The following SOCS6 variants were observed in gnomAD, a reference collection of about 807,000 sequenced individuals.
The protein encoded by SOCS6 is STAT induced STAT inhibitor-4.
A neutral mutation model predicts 27.7 loss-of-function variants in SOCS6; 5 were observed. That is an observed-to-expected ratio of 0.18 (90% CI 0.09 to 0.38). SOCS6 has a LOEUF of 0.38. Among genes scored for constraint, SOCS6 ranks in the 10% least tolerant of loss-of-function variants. The pLI is 1.00. For missense variants in SOCS6, 595 were observed against 688.1 expected (o/e 0.86, Z 1.51); for synonymous variants, 271 against 260.0 (o/e 1.04, Z -0.41).
chr18:70,304,979 G>A (rs2062363156), intron 1 of SOCS6, among the ~76,000 whole-genome samples: 1 of 152,132 alleles, frequency 6.6e-6, no homozygotes. Context: ...TGCCGAGGTG[G>A]GCGGATCTGA....
rs1911288005 is a variant in SOCS6, at chr18:70,328,354, A to G, written c.*2078A>G. ...CTTCTCCGTGTCTCCAGAAGCATTT[A>G]CATGTCCTCCTTGTGAGATCATGGT... On this transcript the variant is annotated 3_prime_UTR_variant, in exon 2 of 2. Transcript: ENST00000397942. 6.0e-6 allele frequency: 1 copy of G among 166,822 alleles called. No homozygotes were observed. The highest frequency in any genetic ancestry group is 2.4e-5 in the African/African-American group (1 of 41,444). The allele number at this position is 166,822 out of a possible 1,614,324, so 10.3% of individuals were successfully genotyped here.
At chr18:70,293,434 G>C (rs2062309043) in intron 1 of SOCS6, among the ~76,000 whole-genome samples, 1 of 152,132 alleles carries the variant, frequency 6.6e-6, no homozygotes, top group African/African-American at 2.4e-5. Flanking sequence ...TAGACGCCCA[G>C]ATCTCTTTCA....
rs138555425 is a variant in SOCS6 at position 70,329,307 on chromosome 18, A to G, written c.*3031A>G. Reference sequence around the variant, plus strand: ...AACCAGCTACACGGGGCAACCAACCATCTTGCTGTTGAAGAAAACAGTTCC... The same window carrying G: ...AACCAGCTACACGGGGCAACCAACCGTCTTGCTGTTGAAGAAAACAGTTCC... On this transcript the variant is annotated 3_prime_UTR_variant, in exon 2 of 2. Coordinates refer to ENST00000397942, the MANE Select transcript of SOCS6 (RefSeq NM_004232.4). The G allele has an allele frequency of 5.6e-3, 933 of 167,236 alleles. 5 individuals carry two copies. Among genetic ancestry groups the G allele is most frequent in the South Asian group, 0.011 (52 of 4,832 alleles). The allele number at this position is 167,236 out of a possible 1,614,324, so 10.4% of individuals were successfully genotyped here.
At chr18:70,291,908 G>C (rs1485693343) in intron 1 of SOCS6, among the ~76,000 whole-genome samples, 1 of 152,176 alleles carries the variant, frequency 6.6e-6, no homozygotes, top group Non-Finnish European at 1.5e-5. Context: ...GCTGTTAAAA[G>C]AGGAACAACG....
At chr18:70,313,719 G>A (rs538506530) in intron 1 of SOCS6, among the ~76,000 whole-genome samples, 36 of 152,178 alleles carry the variant, frequency 2.4e-4, no homozygotes, top group African/African-American at 8.7e-4. Context: ...TTTCTATTCT[G>A]TCATTTCCCT....
At chr18:70,315,856 G>GT (rs1225530494) in intron 1 of SOCS6, among the ~76,000 whole-genome samples, 7 of 151,848 alleles carry the variant, frequency 4.6e-5, no homozygotes, top group Non-Finnish European at 7.4e-5. Flanking sequence ...ATTTTGATAT[G>GT]TTTTTTTGTT....
At chr18:70,307,152 A>G (rs1568599634) in intron 1 of SOCS6, among the ~76,000 whole-genome samples, 1 of 152,120 alleles carries the variant, frequency 6.6e-6, no homozygotes, top group African/African-American at 2.4e-5. Flanking sequence ...AGTCCCAGCT[A>G]TTTGGGAGGC....
intron 1 of SOCS6, among the ~76,000 whole-genome samples, chr18:70,322,128 A>G (rs1043931181): frequency 1.2e-4 from 19 of 152,216 alleles, no homozygotes; most frequent in African/African-American, 4.3e-4. Flanking sequence ...GAAACTTTAT[A>G]TACATTTTCA....
At chr18:70,310,195 T>C (rs1328984099) in intron 1 of SOCS6, among the ~76,000 whole-genome samples, 1 of 152,200 alleles carries the variant, frequency 6.6e-6, no homozygotes, top group Non-Finnish European at 1.5e-5. Flanking sequence ...CTATTGACAG[T>C]TTAGTCCAGC....
In SOCS6 at chr18:70,328,840, AAG is replaced by A. The variant is rs879812271; in HGVS notation, c.*2574_*2575del. ...TCCAGTTAAAAGTGGAAACAGGGAA[AAG>A]AGAGAGAGAAAACTCATCATTTAGT... On this transcript the variant is annotated 3_prime_UTR_variant, in exon 2 of 2. Coordinates refer to ENST00000397942, the MANE Select transcript of SOCS6 (RefSeq NM_004232.4). 3 of 167,052 alleles carry A rather than the reference AAG, an allele frequency of 1.8e-5. No individual in the cohort carries two copies. The highest frequency in any genetic ancestry group is 2.9e-5 in the Non-Finnish European group (2 of 68,114). The allele number at this position is 167,052 out of a possible 1,614,324, so 10.3% of individuals were successfully genotyped here.
At chr18:70,305,387 C>G (rs929197846) in intron 1 of SOCS6, among the ~76,000 whole-genome samples, 1 of 152,182 alleles carries the variant, frequency 6.6e-6, no homozygotes, top group Non-Finnish European at 1.5e-5. Flanking sequence ...TGGGACGTTT[C>G]TTGAAAATCA....
chr18:70,307,514 A>T (rs1374994910), intron 1 of SOCS6, among the ~76,000 whole-genome samples: 1 of 152,202 alleles, frequency 6.6e-6, no homozygotes, highest in African/African-American at 2.4e-5. Flanking sequence ...TTATCAATTC[A>T]TTCCTTACTC....
At chr18:70,318,286 A>G (rs1910842051) in intron 1 of SOCS6, among the ~76,000 whole-genome samples, 1 of 152,138 alleles carries the variant, frequency 6.6e-6, no homozygotes, top group Non-Finnish European at 1.5e-5. Flanking sequence ...CACTATTTTT[A>G]TATAAATAAT....
Position 70,327,784 on chromosome 18 carries a change from TC to T in SOCS6, c.*1509del, listed in dbSNP as rs761118555. ...GATGAAACATGTAATTTGGGATGGT[TC>T]TTCCTTTGTCACTTAAAGGAAGAGA... On this transcript the variant is annotated 3_prime_UTR_variant, in exon 2 of 2. Coordinates refer to ENST00000397942, the MANE Select transcript of SOCS6 (RefSeq NM_004232.4). The T allele has an allele frequency of 1.8e-5, 3 of 166,878 alleles. No homozygotes were observed. The highest frequency in any genetic ancestry group is 6.5e-5 in the Admixed American group (1 of 15,276). The allele number at this position is 166,878 out of a possible 1,614,324, so 10.3% of individuals were successfully genotyped here. A position where few individuals can be genotyped will look rare whatever the true frequency, so the allele number is the denominator to read the frequency against.
At position 70,327,908 on chromosome 18, in the gene SOCS6, C is replaced by G. The variant is rs922468183; in HGVS notation, c.*1632C>G. 1.8e-5 allele frequency: 3 copies of G among 166,808 alleles called. No individual in the cohort carries two copies. Among genetic ancestry groups the G allele is most frequent in the African/African-American group, 7.2e-5 (3 of 41,406 alleles). The allele number at this position is 166,808 out of a possible 1,614,324, so 10.3% of individuals were successfully genotyped here. On this transcript the variant is annotated 3_prime_UTR_variant, in exon 2 of 2. Coordinates refer to ENST00000397942, the MANE Select transcript of SOCS6 (RefSeq NM_004232.4). The stretch of plus-strand genomic sequence containing the variant: ...AGCATATCTGAATCCTCACTTTTTT[C>G]TCTTTGCTTTTTAGGGTCAGAACTG...
intron 1 of SOCS6, among the ~76,000 whole-genome samples, chr18:70,289,388 G>C (rs1415499833): frequency 6.8e-6 from 1 of 146,996 alleles, no homozygotes; most frequent in Non-Finnish European, 1.5e-5. Context: ...GGGCGCGGCG[G>C]CCCCTGAAGG....
chr18:70,295,148 C>G (rs2062317523), intron 1 of SOCS6, among the ~76,000 whole-genome samples: 1 of 152,180 alleles, frequency 6.6e-6, no homozygotes, highest in African/African-American at 2.4e-5. Context: ...TTGTGACAGT[C>G]TGAGATTATA....
intron 1 of SOCS6, among the ~76,000 whole-genome samples, chr18:70,311,872 C>T (rs1218510739): frequency 6.6e-6 from 1 of 152,036 alleles, no homozygotes; most frequent in Non-Finnish European, 1.5e-5. Flanking sequence ...CATTTAGGTT[C>T]CACATTTTTG....
chr18:70,324,320 T>C (rs1341373310), intron 1 of SOCS6, among the ~76,000 whole-genome samples: 1 of 151,744 alleles, frequency 6.6e-6, no homozygotes, highest in African/African-American at 2.4e-5. Flanking sequence ...ATAATAATAA[T>C]AATAAAGTAA....
Sources: allele counts gnomAD v4.1 joint callset (sites outside exome capture counted in the v4.1 genomes callset), GRCh38; gene constraint gnomAD v4.1.1; transcripts MANE v1.5; gene names NCBI Gene and HGNC (gene_info 2026-07-23, HGNC 2026-07-21).